Variants in CNTN6 observed in about 807,000 individuals in gnomAD.
The protein encoded by CNTN6 is contactin-6.
In CNTN6, 137 loss-of-function variants were observed where a neutral mutation model predicts 122.8. The observed-to-expected ratio is 1.12, with a 90% CI of 0.97 to 1.29. The LOEUF is 1.29. Among genes scored for constraint, CNTN6 ranks in the 50% most tolerant of loss-of-function variants. The pLI is 0.00. For missense variants in CNTN6, 1,634 were observed against 1,223.4 expected (o/e 1.34, Z -5.01); for synonymous variants, 570 against 426.0 (o/e 1.34, Z -4.16).
At chr3:1,385,552 A>C (rs1477695325) in intron 19 of CNTN6, 59 bp from the exon 20 acceptor site, 1 of 1,386,154 alleles carries the variant, frequency 7.2e-7, no homozygotes, top group Non-Finnish European at 9.9e-7. Context: ...TTGTTGGTAA[A>C]AAATGATTGA....
chr3:1,273,706 T>C (rs1163687154), intron 4 of CNTN6, among the ~76,000 whole-genome samples: 3 of 152,212 alleles, frequency 2.0e-5, no homozygotes, highest in Non-Finnish European at 1.5e-5. Flanking sequence ...AATGACTGTT[T>C]TGATAGCTAA....
intron 4 of CNTN6, among the ~76,000 whole-genome samples, chr3:1,254,413 TGAAA>T (rs2094719835): frequency 1.3e-5 from 2 of 152,228 alleles, no homozygotes; most frequent in African/African-American, 4.8e-5. Context: ...ATTGGATTAA[TGAAA>T]GAAGTTTACT....
At chr3:1,264,995 G>A (rs562552003) in intron 4 of CNTN6, among the ~76,000 whole-genome samples, 1 of 147,436 alleles carries the variant, frequency 6.8e-6, no homozygotes, top group South Asian at 2.1e-4. Flanking sequence ...ATTTTACTTA[G>A]CATAATGTCC....
chr3:1,131,703 A>G (rs1559369558), intron 1 of CNTN6, among the ~76,000 whole-genome samples: 1 of 152,124 alleles, frequency 6.6e-6, no homozygotes, highest in Admixed American at 6.6e-5. Flanking sequence ...AGAGTTTTTC[A>G]GTAAATGCTG....
At chr3:1,164,427 C>T (rs541570323) in intron 2 of CNTN6, among the ~76,000 whole-genome samples, 1 of 152,348 alleles carries the variant, frequency 6.6e-6, no homozygotes, top group African/African-American at 2.4e-5. Context: ...ATAAGGTCTT[C>T]CTCCTAAAAT....
chr3:1,105,841 T>G (rs1483821149), intron 1 of CNTN6, among the ~76,000 whole-genome samples: 1 of 152,170 alleles, frequency 6.6e-6, no homozygotes, highest in East Asian at 1.9e-4. Flanking sequence ...CTAAGTATAC[T>G]AGAGAAACAT....
chr3:1,386,435 A>C (rs569407709), intron 20 of CNTN6, among the ~76,000 whole-genome samples: 16 of 152,264 alleles, frequency 1.1e-4, no homozygotes, highest in Non-Finnish European at 1.9e-4. Context: ...CAGCCAGGTG[A>C]TTTCACAGAA....
intron 4 of CNTN6, among the ~76,000 whole-genome samples, chr3:1,254,183 C>T (rs1480016150): frequency 2.6e-5 from 4 of 152,046 alleles, no homozygotes; most frequent in South Asian, 2.1e-4. Flanking sequence ...ATTTTCATCT[C>T]GTGCTTTCTT....
chr3:1,095,776 C>G (rs1053174312), intron 1 of CNTN6, among the ~76,000 whole-genome samples: 1 of 152,186 alleles, frequency 6.6e-6, no homozygotes, highest in African/African-American at 2.4e-5. Flanking sequence ...TTGTCATCAA[C>G]TCCACCCATA....
chr3:1,141,935 C>A (rs1023618111), intron 1 of CNTN6, among the ~76,000 whole-genome samples: 1 of 152,048 alleles, frequency 6.6e-6, no homozygotes, highest in East Asian at 1.9e-4. Flanking sequence ...CTAGTTCTCA[C>A]TGGAAAAAAT....
At chr3:1,303,778 T>G (rs9810079) in intron 7 of CNTN6, among the ~76,000 whole-genome samples, 1 of 151,758 alleles carries the variant, frequency 6.6e-6, no homozygotes, top group Admixed American at 6.6e-5. Flanking sequence ...AATTGTGGTG[T>G]ATTTATTAAA....
chr3:1,304,962 G>C (rs1234728957), intron 7 of CNTN6, among the ~76,000 whole-genome samples: 1 of 123,692 alleles, frequency 8.1e-6, no homozygotes, highest in African/African-American at 2.9e-5. Context: ...CTGCACTCCA[G>C]CCTAAAGACA....
intron 11 of CNTN6, among the ~76,000 whole-genome samples, chr3:1,339,158 G>C (rs1371613799): frequency 6.6e-6 from 1 of 151,456 alleles, no homozygotes; most frequent in Non-Finnish European, 1.5e-5. Context: ...ATGTATGCAA[G>C]AAAACCTTTC....
At chr3:1,311,693 A>C (rs1399046513) in intron 7 of CNTN6, among the ~76,000 whole-genome samples, 1 of 151,468 alleles carries the variant, frequency 6.6e-6, no homozygotes, top group Non-Finnish European at 1.5e-5. Context: ...TTCTCCCCCA[A>C]AGGATAACTA....
intron 7 of CNTN6, among the ~76,000 whole-genome samples, chr3:1,319,771 T>C (rs188306344): frequency 6.2e-4 from 93 of 150,720 alleles, no homozygotes; most frequent in Non-Finnish European, 8.3e-4. Flanking sequence ...AAAATTTTTA[T>C]TACACTGGTA....
intron 7 of CNTN6, among the ~76,000 whole-genome samples, chr3:1,309,663 A>G (rs1183290971): frequency 6.6e-6 from 1 of 152,100 alleles, no homozygotes; most frequent in Non-Finnish European, 1.5e-5. Context: ...GTCTATATCC[A>G]TGAAATAGCA....
chr3:1,305,253 T>G (rs1283755575), intron 7 of CNTN6, among the ~76,000 whole-genome samples: 1 of 152,176 alleles, frequency 6.6e-6, no homozygotes, highest in African/African-American at 2.4e-5. Flanking sequence ...ACAGGTGAAG[T>G]GTTTACTCAT....
At position 1,163,474 on chromosome 3, in the gene CNTN6, C is replaced by T. The variant is rs941392879; in HGVS notation, c.55+15411C>T. On this transcript the variant is annotated intron_variant, in intron 2 of 22. Transcript: ENST00000446702. ...CCAGTCAGGCTGGAGTGCAGTGACG[C>T]GATCATAGCTCACTACAGCCTCGAA... 5.3e-5 allele frequency among the ~76,000 whole-genome samples: 8 copies of T among 152,256 alleles called. No homozygotes were observed. The East Asian group carries it at 5.8e-4, about 11-fold the overall frequency.
At chr3:1,325,115 TA>T (rs1244328997) in intron 8 of CNTN6, among the ~76,000 whole-genome samples, 1 of 151,814 alleles carries the variant, frequency 6.6e-6, no homozygotes. Context: ...TGAATGATGG[TA>T]AAAATAATAC....
Sources: allele counts gnomAD v4.1 joint callset (sites outside exome capture counted in the v4.1 genomes callset), GRCh38; gene constraint gnomAD v4.1.1; transcripts MANE v1.5; gene names NCBI Gene and HGNC (gene_info 2026-07-23, HGNC 2026-07-21).